Variants in CHODL observed in about 807,000 individuals in gnomAD.
CHODL encodes the protein transmembrane protein MT75.
CHODL carries 29 observed loss-of-function variants against 34.5 expected under a neutral mutation model. That is an observed-to-expected ratio of 0.84 (90% confidence interval 0.63 to 1.15). The LOEUF (loss-of-function observed/expected upper bound fraction) is 1.15. Ranked by LOEUF, CHODL falls within the 50% of genes most tolerant of loss-of-function variation. The probability of loss-of-function intolerance (pLI) is 0.00; values close to 1 mark genes in which losing one functional copy is unlikely to be tolerated. For synonymous variants in CHODL, 125 were observed against 116.1 expected (o/e 1.08, Z -0.49); for missense variants, 332 against 332.5 (o/e 1.00, Z 0.01).
intron 2 of CHODL, among the ~76,000 whole-genome samples, chr21:18,065,929 A>G (rs2064726793): frequency 6.6e-6 from 1 of 152,212 alleles, no homozygotes; most frequent in African/African-American, 2.4e-5. Flanking sequence ...ATGGCTATTT[A>G]ACATAAACAA....
chr21:18,062,663 G>A (rs1182443655), intron 2 of CHODL, among the ~76,000 whole-genome samples: 1 of 152,134 alleles, frequency 6.6e-6, no homozygotes, highest in Non-Finnish European at 1.5e-5. Context: ...CTACTCGGGA[G>A]GCTGAGGCAG....
At chr21:18,214,678 C>T (rs1369797559) in intron 2 of CHODL, among the ~76,000 whole-genome samples, 2 of 152,100 alleles carry the variant, frequency 1.3e-5, no homozygotes, top group Non-Finnish European at 2.9e-5. Context: ...ATAGACTCAT[C>T]ACGTACGTCT....
chr21:17,970,598 ATTTTT>A (rs998132161), intron 1 of CHODL, among the ~76,000 whole-genome samples: 2 of 151,084 alleles, frequency 1.3e-5, no homozygotes, highest in African/African-American at 2.4e-5. Context: ...TTGTTTTTTA[ATTTTT>A]TTTTATTTTA....
intron 2 of CHODL, among the ~76,000 whole-genome samples, chr21:18,105,214 G>T (rs1250495699): frequency 1.3e-5 from 2 of 152,168 alleles, no homozygotes; most frequent in Non-Finnish European, 2.9e-5. Flanking sequence ...GTCTGGAGAC[G>T]GGAGGTCACA....
intron 1 of CHODL, among the ~76,000 whole-genome samples, chr21:17,964,403 C>G (rs986351328): frequency 6.6e-6 from 1 of 152,156 alleles, no homozygotes; most frequent in African/African-American, 2.4e-5. Flanking sequence ...AATGCCAAAA[C>G]GAAGGAGAAT....
chr21:18,101,066 C>T (rs140394367), intron 2 of CHODL, among the ~76,000 whole-genome samples: 74 of 152,152 alleles, frequency 4.9e-4, no homozygotes, highest in Middle Eastern at 3.4e-3. Flanking sequence ...ATGATTCCCA[C>T]GTGTTGTGGG....
intron 1 of CHODL, among the ~76,000 whole-genome samples, chr21:17,926,124 G>C (rs1225196144): frequency 1.3e-5 from 2 of 152,104 alleles, no homozygotes; most frequent in African/African-American, 4.8e-5. Flanking sequence ...TCAAAGATCA[G>C]GATGAAAATC....
intron 2 of CHODL, among the ~76,000 whole-genome samples, chr21:18,193,015 A>G (rs948649080): frequency 2.6e-4 from 40 of 152,202 alleles, no homozygotes; most frequent in Admixed American, 2.4e-3. Flanking sequence ...AGCATCTTGT[A>G]TAGTAGCAAA....
At chr21:17,990,077 C>T (rs2063784979) in intron 1 of CHODL, among the ~76,000 whole-genome samples, 2 of 151,976 alleles carry the variant, frequency 1.3e-5, no homozygotes, top group South Asian at 4.1e-4. Context: ...AGTCCTTTGT[C>T]ACAAGGATTC....
chr21:18,184,844 C>T (rs1480322405), intron 2 of CHODL, among the ~76,000 whole-genome samples: 1 of 152,130 alleles, frequency 6.6e-6, no homozygotes, highest in African/African-American at 2.4e-5. Flanking sequence ...CCATTCCTAT[C>T]TGGAGAGCTG....
chr21:18,089,348 C>T (rs891834081), intron 2 of CHODL, among the ~76,000 whole-genome samples: 1 of 152,066 alleles, frequency 6.6e-6, no homozygotes, highest in Non-Finnish European at 1.5e-5. Context: ...TCTTCAGCTT[C>T]ATAACATTTA....
intron 1 of CHODL, among the ~76,000 whole-genome samples, chr21:17,937,009 G>T (rs113085502): frequency 0.018 from 2,775 of 150,842 alleles, 62 homozygotes; most frequent in African/African-American, 0.055. Flanking sequence ...TGGAGGCAGA[G>T]GTTGCAGTGA....
chr21:18,154,150 G>T (rs181845369), intron 2 of CHODL, among the ~76,000 whole-genome samples: 6 of 152,074 alleles, frequency 3.9e-5, no homozygotes, highest in Non-Finnish European at 7.4e-5. Context: ...AATTTTATTC[G>T]GTATAGGAAA....
intron 2 of CHODL, among the ~76,000 whole-genome samples, chr21:18,216,288 C>A (rs1305923273): frequency 6.6e-6 from 1 of 152,062 alleles, no homozygotes; most frequent in Non-Finnish European, 1.5e-5. Flanking sequence ...TGAGAACATA[C>A]CAAATCTTTT....
At chr21:18,101,561 AT>A (rs542820545) in intron 2 of CHODL, among the ~76,000 whole-genome samples, 162 of 152,236 alleles carry the variant, frequency 1.1e-3, no homozygotes, top group African/African-American at 3.5e-3. Context: ...AAATTCTTGA[AT>A]TTTTTTGAGA....
chr21:18,083,866 G>T (rs1298190575), intron 2 of CHODL, among the ~76,000 whole-genome samples: 1 of 152,174 alleles, frequency 6.6e-6, no homozygotes, highest in Non-Finnish European at 1.5e-5. Flanking sequence ...CTTGCCTCAG[G>T]TTAGACTTTG....
chr21:18,081,274 CAGTGAACA>C (rs2064938588), intron 2 of CHODL, among the ~76,000 whole-genome samples: 1 of 152,086 alleles, frequency 6.6e-6, no homozygotes, highest in Non-Finnish European at 1.5e-5. Context: ...CATATATCAT[CAGTGAACA>C]AGGATCATTT....
At chr21:18,070,025 T>TTCCCTTCCCTTCCCTTCCCTTCCCTTCC (rs1555860424) in intron 2 of CHODL, among the ~76,000 whole-genome samples, 2 of 29,090 alleles carry the variant, frequency 6.9e-5, no homozygotes, top group Non-Finnish European at 2.0e-4. Context: ...TTCCCTTCCC[T>TTCCCTTCCCTTCCCTTCCCTTCCCTTCC]CCCCCCCCCC....
chr21:18,016,773 G>C (rs1813565109), intron 1 of CHODL, among the ~76,000 whole-genome samples: 1 of 152,256 alleles, frequency 6.6e-6, no homozygotes, highest in Non-Finnish European at 1.5e-5. Flanking sequence ...AAGCAGCCAA[G>C]GGATCTGTAC....
Sources: allele counts gnomAD v4.1 joint callset (sites outside exome capture counted in the v4.1 genomes callset), GRCh38; gene constraint gnomAD v4.1.1; transcripts MANE v1.5; gene names NCBI Gene and HGNC (gene_info 2026-07-23, HGNC 2026-07-21).